Variants in PAQR5 observed in about 807,000 individuals in gnomAD.
The protein encoded by PAQR5 is membrane progestin receptor gamma.
PAQR5 carries 20 observed loss-of-function variants against 34.5 expected under a neutral mutation model. The observed-to-expected ratio is 0.58, with a 90% CI of 0.41 to 0.84. PAQR5 has a LOEUF of 0.84. Ranked by LOEUF, PAQR5 falls within the 40% of genes least tolerant of loss-of-function variation. PAQR5 has a pLI of 0.00. For missense variants in PAQR5, 378 were observed against 412.7 expected (o/e 0.92, Z 0.73); for synonymous variants, 131 against 155.6 (o/e 0.84, Z 1.18).
chr15:69,399,141 T>C (rs1048756894), intron 7 of PAQR5, among the ~76,000 whole-genome samples: 2 of 152,220 alleles, frequency 1.3e-5, no homozygotes, highest in Admixed American at 6.5e-5. Flanking sequence ...ATTGATACTT[T>C]TGGATGACTC....
chr15:69,301,362 G>A (rs570233826), intron 1 of PAQR5, among the ~76,000 whole-genome samples: 1 of 152,198 alleles, frequency 6.6e-6, no homozygotes, highest in Non-Finnish European at 1.5e-5. Flanking sequence ...CCGCCAAGGA[G>A]AGGCCGAGGC....
chr15:69,322,628 C>G (rs1308206958), intron 1 of PAQR5, among the ~76,000 whole-genome samples: 3 of 115,790 alleles, frequency 2.6e-5, no homozygotes, highest in Non-Finnish European at 4.9e-5. Flanking sequence ...GCACTCCAGG[C>G]TGGGTGACAG....
At chr15:69,391,151 C>T (rs2056259697) in intron 6 of PAQR5, 1 of 152,794 alleles carries the variant, frequency 6.5e-6, no homozygotes, top group Non-Finnish European at 1.5e-5. Flanking sequence ...TCCACTTGCC[C>T]CCCTCTCCCC....
chr15:69,326,827 A>ACC (rs201194281), intron 1 of PAQR5, among the ~76,000 whole-genome samples: 2 of 34,308 alleles, frequency 5.8e-5, no homozygotes, highest in Non-Finnish European at 2.1e-4. Context: ...CTCCCTCCCC[A>ACC]CCCCCGTTAT....
chr15:69,362,580 C>T (rs980553002), intron 3 of PAQR5, among the ~76,000 whole-genome samples: 6 of 152,170 alleles, frequency 3.9e-5, no homozygotes, highest in Non-Finnish European at 8.8e-5. Context: ...TTTAGAGTGG[C>T]CTCAAGCAAG....
At chr15:69,303,030 G>A (rs189160270) in intron 1 of PAQR5, among the ~76,000 whole-genome samples, 2 of 152,264 alleles carry the variant, frequency 1.3e-5, no homozygotes, top group African/African-American at 4.8e-5. Flanking sequence ...CTCCCTGTTA[G>A]AATAGCAGCT....
chr15:69,337,931 G>A (rs1264195782), intron 2 of PAQR5, among the ~76,000 whole-genome samples: 5 of 152,008 alleles, frequency 3.3e-5, no homozygotes, highest in African/African-American at 1.2e-4. Context: ...ACAAAAATTA[G>A]CCAGGTGTAG....
At chr15:69,346,994 G>A (rs148217856) in intron 2 of PAQR5, among the ~76,000 whole-genome samples, 246 of 151,970 alleles carry the variant, frequency 1.6e-3, no homozygotes, top group African/African-American at 5.7e-3. Context: ...TTTTTTGTGT[G>A]TATTTTTAGT....
chr15:69,350,762 T>C (rs1567014448), intron 2 of PAQR5, among the ~76,000 whole-genome samples: 1 of 152,092 alleles, frequency 6.6e-6, no homozygotes, highest in Non-Finnish European at 1.5e-5. Context: ...TGAGCCAGTT[T>C]ATAGACCCAA....
intron 4 of PAQR5, among the ~76,000 whole-genome samples, chr15:69,384,241 G>GT (rs2056030323): frequency 1.5e-5 from 2 of 136,906 alleles, no homozygotes; most frequent in South Asian, 2.5e-4. Context: ...GGGTGTGTGG[G>GT]CCTCTGTGTT....
rs75706532 is a variant in PAQR5, at chr15:69,394,131, T to C, written c.513-3337T>C. Among the ~76,000 whole-genome samples the C allele has an allele frequency of 9.8e-3, 1,494 of 151,894 alleles. 35 individuals are homozygous for C. Among genetic ancestry groups the C allele is most frequent in the African/African-American group, 0.034 (1,398 of 41,452 alleles). ...TTTTTTGTTTTTTGTTTTTTTTTTT[T>C]CAAAGAGCTGCTGAGTGAAAAACCT... On this transcript the variant is annotated intron_variant, in intron 6 of 8. Transcript: ENST00000395407.
intron 1 of PAQR5, among the ~76,000 whole-genome samples, chr15:69,308,668 G>A (rs1361254130): frequency 6.6e-6 from 1 of 152,158 alleles, no homozygotes; most frequent in Non-Finnish European, 1.5e-5. Flanking sequence ...TTTCTTTGAG[G>A]TAGTTATGTT....
At chr15:69,379,176 C>G (rs2055808086) in intron 3 of PAQR5, among the ~76,000 whole-genome samples, 1 of 152,140 alleles carries the variant, frequency 6.6e-6, no homozygotes, top group Non-Finnish European at 1.5e-5. Context: ...CCTCTGGCCT[C>G]ATTATCTTCT....
intron 1 of PAQR5, among the ~76,000 whole-genome samples, chr15:69,310,634 T>C (rs964338524): frequency 3.9e-5 from 6 of 152,320 alleles, no homozygotes; most frequent in African/African-American, 1.2e-4. Context: ...TCTTGAAGTA[T>C]TGGAGAAACT....
At chr15:69,359,841 G>A in intron 2 of PAQR5, 125 bp from the exon 3 acceptor site, 1 of 472,930 alleles carries the variant, frequency 2.1e-6, no homozygotes, top group Admixed American at 3.7e-5. Context: ...CTGTTTTTAA[G>A]GAAGCTTGAT....
At chr15:69,365,453 G>A (rs2055378273) in intron 3 of PAQR5, among the ~76,000 whole-genome samples, 1 of 152,156 alleles carries the variant, frequency 6.6e-6, no homozygotes, top group Admixed American at 6.5e-5. Flanking sequence ...CATCTTTTGA[G>A]ATGATCATAT....
chr15:69,359,990 C>A lies in PAQR5; in HGVS notation c.-91C>A. ...GGGAAGCGGCACAGCACCAGCTAGG[C>A]AGAGACGCCCCAGGCCATGTTAGAG... On this transcript the variant is annotated 5_prime_UTR_variant, in exon 3 of 9. Transcript: ENST00000395407. 3 of 974,138 alleles carry A rather than the reference C, an allele frequency of 3.1e-6. No individual in the cohort carries two copies. The highest frequency in any genetic ancestry group is 1.3e-5 in the South Asian group (1 of 74,184). 60.3% of individuals were successfully genotyped at this position (974,138 alleles called of 1,614,324 possible).
In PAQR5 at chr15:69,350,530, C is replaced by G. The variant is rs1004223851; in HGVS notation, c.-115-9436C>G. Among the ~76,000 whole-genome samples the G allele has an allele frequency of 7.2e-5, 11 of 152,102 alleles. No homozygotes were observed. The East Asian group carries it at 1.9e-3, about 27-fold the overall frequency. ...TGATGGCGCACACCTGTAGTCCCAG[C>G]TACTTTGGAGGCTGAGGCGCAAGAA... On this transcript the variant is annotated intron_variant, in intron 2 of 8. Transcript: ENST00000395407.
intron 1 of PAQR5, among the ~76,000 whole-genome samples, chr15:69,304,438 G>T (rs1380437484): frequency 6.6e-6 from 1 of 152,202 alleles, no homozygotes; most frequent in Non-Finnish European, 1.5e-5. Flanking sequence ...TTGGAGAAAA[G>T]GGTAAGGGTG....
Sources: gnomAD v4.1 joint callset for allele counts (sites outside exome capture counted in the v4.1 genomes callset) on GRCh38, gnomAD v4.1.1 for gene constraint, MANE v1.5 for transcripts, NCBI Gene and HGNC (gene_info 2026-07-23, HGNC 2026-07-21) for gene names.